HLA-DPA1: variants seen among roughly 807,000 people sequenced by gnomAD.
HLA-DPA1 encodes the protein HLA class II histocompatibility antigen, DP alpha 1 chain.
Under a neutral mutation model 21.5 loss-of-function variants are expected in HLA-DPA1, and 20 were observed. The ratio of observed to expected loss-of-function variants is 0.93; its 90% CI spans 0.66 to 1.35. HLA-DPA1 has a LOEUF of 1.35. Among genes scored for constraint, HLA-DPA1 ranks in the 40% most tolerant of loss-of-function variants. The pLI is 0.00. For synonymous variants in HLA-DPA1, 123 were observed against 129.6 expected, an observed-to-expected ratio of 0.95 and a Z score of 0.35; for missense variants, 279 against 323.0, an observed-to-expected ratio of 0.86 and a Z score of 1.05.
At chr6:33,065,125 T>C (rs774155882) in exon 6 of HLA-DPA1, 9 of 151,910 alleles carry the variant, frequency 5.9e-5, no homozygotes, top group Admixed American at 1.3e-4. Context: ...ATAATCTCCA[T>C]ATTAGTGCTA....
intron 5 of HLA-DPA1, chr6:33,066,692 C>G (rs1236638882): frequency 6.6e-6 from 1 of 152,088 alleles, no homozygotes; most frequent in East Asian, 1.9e-4. Context: ...ACTAGCAGGA[C>G]TATATAAGGA....
chr6:33,079,804 C>A, intron 1 of HLA-DPA1: 1 of 459,948 alleles, frequency 2.2e-6, no homozygotes, highest in Non-Finnish European at 4.3e-6. Context: ...AGTCACCCAG[C>A]CGGCCATCAG....
chr6:33,080,499 A>C lies in HLA-DPA1; in HGVS notation c.-100+181T>G, dbSNP rs1414858977. ...CTGCGTGGTGAGAAAACAGGCCTGG[A>C]GAGGCTCTGCGACCCGCTTAGGACC... On this transcript the variant is annotated intron_variant, in intron 1 of 5. Coordinates refer to ENST00000419277, the Ensembl canonical transcript of HLA-DPA1. This position sits in a 1 kb window ranked among gnomAD's most constrained non-coding sequence, Gnocchi z 4.3. 4 of 874,882 alleles carry C rather than the reference A, an allele frequency of 4.6e-6. No homozygotes were observed. The highest frequency in any genetic ancestry group is 5.6e-6 in the Non-Finnish European group (3 of 531,198). The allele number at this position is 874,882 out of a possible 1,614,324, so 54.2% of individuals were successfully genotyped here.
rs369668070 is a variant in HLA-DPA1, at chr6:33,077,328, G to T, written c.-100+3352C>A. 3.6e-3 allele frequency among the ~76,000 whole-genome samples: 554 copies of T among 152,218 alleles called. 4 individuals are homozygous for T. The highest frequency in any genetic ancestry group is 0.029 in the East Asian group (148 of 5,178). ...TAATCCAGTCTATCACTGATGGACAGTTGGGTTGGTTCCAAGTCTTTGCTA... is the reference window on the plus strand; with the variant it reads ...TAATCCAGTCTATCACTGATGGACATTTGGGTTGGTTCCAAGTCTTTGCTA... On this transcript the variant is annotated intron_variant, in intron 1 of 5. Transcript: ENST00000419277.
chr6:33,069,283 C>T lies in HLA-DPA1; in HGVS notation c.364G>A (p.Val122Met), dbSNP rs115722167. 9.5e-3 allele frequency: 15,277 copies of T among 1,612,104 alleles called. 199 individuals are homozygous for T. Among genetic ancestry groups the T allele is most frequent in the South Asian group, 0.046 (4,171 of 90,960 alleles). Reference sequence around the variant, plus strand: ...AGCTCCACAGGCTCCTTGGGAAACACGGTCACCTCAGGGGGATCTGGAAGG... The same window carrying T: ...AGCTCCACAGGCTCCTTGGGAAACATGGTCACCTCAGGGGGATCTGGAAGG... Residue 122 changes from valine to methionine, a missense_variant, in exon 4 of 6, where the codon GTG (valine) becomes ATG (methionine). Coordinates refer to ENST00000419277, the Ensembl canonical transcript of HLA-DPA1.
intron 1 of HLA-DPA1, among the ~76,000 whole-genome samples, chr6:33,078,249 A>G (rs1008633610): frequency 2.0e-5 from 3 of 152,164 alleles, no homozygotes; most frequent in Admixed American, 6.5e-5. Flanking sequence ...GCCATGTGAC[A>G]GGGACTGAGG....
chr6:33,072,939 G>C (rs1373751384), intron 2 of HLA-DPA1, among the ~76,000 whole-genome samples: 2 of 152,276 alleles, frequency 1.3e-5, no homozygotes, highest in East Asian at 3.9e-4. Context: ...AGAAGAGAGG[G>C]AGGATACAGA....
intron 1 of HLA-DPA1, chr6:33,076,212 G>A (rs1762528886): frequency 2.8e-6 from 3 of 1,068,758 alleles, no homozygotes; most frequent in African/African-American, 3.1e-5. Flanking sequence ...TATCTTTAAG[G>A]GATCAAATTC....
chr6:33,076,193 AG>A lies in HLA-DPA1; in HGVS notation c.-99-2525del, dbSNP rs561267918. ...GGGTCTGGCTCAGGGAACAATTCCT[AG>A]GGGACGTTATCTTTAAGGGATCAAA... On this transcript the variant is annotated intron_variant, in intron 1 of 5. Coordinates refer to ENST00000419277, the Ensembl canonical transcript of HLA-DPA1. 1.0e-3 allele frequency: 1,236 copies of A among 1,240,352 alleles called. 13 individuals carry two copies. In the African/African-American group the frequency reaches 0.017, roughly 17 times the overall value. The allele number at this position is 1,240,352 out of a possible 1,614,324, so 76.8% of individuals were successfully genotyped here.
At position 33,068,623 on chromosome 6, in the gene HLA-DPA1, T is replaced by TG; in HGVS notation, c.*12+14_*12+15insC. 1 of 1,519,136 alleles carries TG rather than the reference T, an allele frequency of 6.6e-7. No homozygotes were observed. Among genetic ancestry groups the TG allele is most frequent in the Non-Finnish European group, 8.7e-7 (1 of 1,145,372 alleles). 94.1% of individuals were successfully genotyped at this position (1,519,136 alleles called of 1,614,324 possible). On this transcript the variant is annotated intron_variant, in intron 5 of 5. Coordinates refer to ENST00000419277, the Ensembl canonical transcript of HLA-DPA1. The stretch of plus-strand genomic sequence containing the variant: ...ACATTCTACAAATCCTAGGGCCTCC[T>TG]CTTTACATTCCCACCTTTACAGTAT...
exon 4 of HLA-DPA1, chr6:33,069,173 C>T (rs2308931): frequency 0.11 from 178,864 of 1,607,378 alleles, 12,450 homozygotes; most frequent in South Asian, 0.24. Context: ...CCTCAGTGAC[C>T]AGCTCCCCGT....
At chr6:33,071,364 G>T (rs1362424640) in intron 2 of HLA-DPA1, among the ~76,000 whole-genome samples, 2 of 152,018 alleles carry the variant, frequency 1.3e-5, no homozygotes, top group African/African-American at 4.8e-5. Flanking sequence ...GGAAAAAGAG[G>T]GTAAAATAAA....
chr6:33,076,740 T>C (rs1164658052), intron 1 of HLA-DPA1, among the ~76,000 whole-genome samples: 1 of 152,060 alleles, frequency 6.6e-6, no homozygotes, highest in Non-Finnish European at 1.5e-5. Context: ...TTGCGACTTG[T>C]AGGAAGAATG....
intron 1 of HLA-DPA1, chr6:33,073,904 A>G (rs903136913): frequency 1.2e-5 from 3 of 251,670 alleles, no homozygotes; most frequent in Non-Finnish European, 2.3e-5. Flanking sequence ...AATGTTTTCC[A>G]TTATGTTCCT....
chr6:33,064,609 A>G (rs1761862505), exon 6 of HLA-DPA1: 1 of 136,278 alleles, frequency 7.3e-6, no homozygotes, highest in South Asian at 2.4e-4. Context: ...CTCTTAGTTT[A>G]TCATGTAGAA....
At chr6:33,068,934 C>T in intron 4 of HLA-DPA1, 85 bp downstream of exon 3, 1 of 1,540,790 alleles carries the variant, frequency 6.5e-7, no homozygotes, top group South Asian at 1.2e-5. Flanking sequence ...TGAGACCCAG[C>T]CAGTGCGGAA....
At chr6:33,073,643 T>C in exon 2 of HLA-DPA1, 1 of 1,054,580 alleles carries the variant, frequency 9.5e-7, no homozygotes. Flanking sequence ...TGGAGGCAGA[T>C]GAGACTGAAA....
At chr6:33,077,587 A>T (rs908653077) in intron 1 of HLA-DPA1, among the ~76,000 whole-genome samples, 5 of 152,328 alleles carry the variant, frequency 3.3e-5, no homozygotes, top group Admixed American at 6.5e-5. Context: ...AGAAATAGGA[A>T]CACTTTTACT....
intron 5 of HLA-DPA1, chr6:33,066,389 C>G (rs73400019): frequency 6.6e-6 from 1 of 152,028 alleles, no homozygotes; most frequent in East Asian, 1.9e-4. Context: ...AACACACTGG[C>G]CCATTATATA....
Sources: allele counts gnomAD v4.1 joint callset (sites outside exome capture counted in the v4.1 genomes callset), GRCh38; gene constraint gnomAD v4.1.1; non-coding constraint Gnocchi (gnomAD v3.1); transcripts MANE v1.5; gene names NCBI Gene and HGNC (gene_info 2026-07-23, HGNC 2026-07-21).